CLSTN2: variants seen among roughly 807,000 people sequenced by gnomAD.
CLSTN2 encodes the protein calsyntenin 2.
CLSTN2 carries 48 observed loss-of-function variants against 101.2 expected under a neutral mutation model. That is an observed-to-expected ratio of 0.47 (90% confidence interval 0.38 to 0.60). The LOEUF is 0.60. Ranked by LOEUF, CLSTN2 falls within the 20% of genes least tolerant of loss-of-function variation. CLSTN2 has a pLI of 0.00. For missense variants in CLSTN2, 1,160 were observed against 1,238.2 expected (o/e 0.94, Z 0.95); for synonymous variants, 481 against 463.6 (o/e 1.04, Z -0.48).
At chr3:140,418,370 A>C (rs946447154) in intron 4 of CLSTN2, among the ~76,000 whole-genome samples, 3 of 152,158 alleles carry the variant, frequency 2.0e-5, no homozygotes, top group Non-Finnish European at 4.4e-5. Flanking sequence ...GAAACACATC[A>C]AACACGTTTT....
chr3:140,560,968 TAAGATA>T (rs1425347665), intron 12 of CLSTN2, among the ~76,000 whole-genome samples: 3 of 151,976 alleles, frequency 2.0e-5, no homozygotes, highest in Non-Finnish European at 4.4e-5. Context: ...ATTTAAAAAT[TAAGATA>T]AAGAAATTAT....
At chr3:140,490,870 A>G (rs1487236586) in intron 8 of CLSTN2, among the ~76,000 whole-genome samples, 1 of 152,162 alleles carries the variant, frequency 6.6e-6, no homozygotes. Flanking sequence ...AATGGCTGAT[A>G]AGAGCGGCCA....
chr3:139,963,107 G>C (rs369672625), intron 1 of CLSTN2, among the ~76,000 whole-genome samples: 1 of 152,066 alleles, frequency 6.6e-6, no homozygotes, highest in Admixed American at 6.6e-5. Flanking sequence ...GAGGAGGAGG[G>C]GGGCAGAGAC....
intron 5 of CLSTN2, among the ~76,000 whole-genome samples, chr3:140,428,920 T>C (rs1346595389): frequency 6.6e-6 from 1 of 152,092 alleles, no homozygotes; most frequent in East Asian, 1.9e-4. Flanking sequence ...CATCAGTCAG[T>C]AGGGGGGATC....
intron 2 of CLSTN2, among the ~76,000 whole-genome samples, chr3:140,402,448 G>A (rs2107977675): frequency 6.6e-6 from 1 of 152,280 alleles, no homozygotes; most frequent in South Asian, 2.1e-4. Flanking sequence ...TGCCTTGCAG[G>A]TTTTTTATGA....
chr3:139,982,563 G>A (rs181570742), intron 1 of CLSTN2, among the ~76,000 whole-genome samples: 4 of 152,162 alleles, frequency 2.6e-5, no homozygotes, highest in African/African-American at 9.7e-5. Flanking sequence ...ATAGATCTGA[G>A]AAAGCGATGT....
intron 1 of CLSTN2, among the ~76,000 whole-genome samples, chr3:140,021,416 G>T (rs1202944783): frequency 6.6e-6 from 1 of 152,152 alleles, no homozygotes; most frequent in African/African-American, 2.4e-5. Context: ...ATGGCGTGGC[G>T]TACCGGCAGC....
At chr3:139,994,779 T>C (rs1936173575) in intron 1 of CLSTN2, among the ~76,000 whole-genome samples, 1 of 152,206 alleles carries the variant, frequency 6.6e-6, no homozygotes, top group African/African-American at 2.4e-5. Context: ...ACAGCACTTA[T>C]TGAGAATATA....
chr3:140,094,371 A>G (rs2008832855), intron 1 of CLSTN2, among the ~76,000 whole-genome samples: 1 of 152,208 alleles, frequency 6.6e-6, no homozygotes, highest in Admixed American at 6.5e-5. Context: ...AGTCTCTTCA[A>G]ATTCTATAAA....
chr3:140,445,858 C>A (rs1328982815), intron 5 of CLSTN2, among the ~76,000 whole-genome samples: 1 of 152,152 alleles, frequency 6.6e-6, no homozygotes, highest in Non-Finnish European at 1.5e-5. Flanking sequence ...CTGTGCCAGG[C>A]ACTGACTAGC....
chr3:140,050,788 GGCAAGATGGGAAAATA>G (rs1287712656), intron 1 of CLSTN2, among the ~76,000 whole-genome samples: 1 of 152,110 alleles, frequency 6.6e-6, no homozygotes, highest in South Asian at 2.1e-4. Flanking sequence ...GGATATGAAG[GGCAAGATGGGAAAATA>G]GCAAGTTCAC....
At chr3:140,497,097 T>G in intron 8 of CLSTN2, among the ~76,000 whole-genome samples, 1 of 118,334 alleles carries the variant, frequency 8.5e-6, no homozygotes, top group African/African-American at 3.7e-5. Flanking sequence ...CGAGACTCCG[T>G]CTCAAAAAAA....
chr3:140,023,882 G>A (rs939385819), intron 1 of CLSTN2, among the ~76,000 whole-genome samples: 7 of 152,326 alleles, frequency 4.6e-5, no homozygotes, highest in South Asian at 4.1e-4. Flanking sequence ...TGTGTCCTCC[G>A]TCTGGCACCA....
chr3:140,084,622 G>A (rs1166753691), intron 1 of CLSTN2, among the ~76,000 whole-genome samples: 2 of 152,148 alleles, frequency 1.3e-5, no homozygotes, highest in Non-Finnish European at 2.9e-5. Context: ...CCAGGTTCAA[G>A]GAAACTACCT....
intron 9 of CLSTN2, among the ~76,000 whole-genome samples, chr3:140,536,237 A>G (rs1224504549): frequency 1.3e-5 from 2 of 151,966 alleles, no homozygotes; most frequent in Non-Finnish European, 2.9e-5. Context: ...AAATAAGAGT[A>G]AGACCCACCT....
intron 1 of CLSTN2, among the ~76,000 whole-genome samples, chr3:140,160,711 CAA>C (rs2010032117): frequency 1.3e-5 from 2 of 152,012 alleles, no homozygotes; most frequent in Admixed American, 1.3e-4. Context: ...CTTGGTCAAC[CAA>C]AAGTTGTTCA....
intron 8 of CLSTN2, among the ~76,000 whole-genome samples, chr3:140,474,547 A>G (rs1439548581): frequency 6.6e-6 from 1 of 152,162 alleles, no homozygotes; most frequent in African/African-American, 2.4e-5. Context: ...CTTTTGTCTG[A>G]GTCCTCTGTG....
chr3:140,515,923 C>A (rs1428208137), intron 8 of CLSTN2, among the ~76,000 whole-genome samples: 2 of 152,090 alleles, frequency 1.3e-5, no homozygotes, highest in Non-Finnish European at 2.9e-5. Context: ...ATGTCTACTG[C>A]TGTCAGTAGA....
intron 1 of CLSTN2, among the ~76,000 whole-genome samples, chr3:140,075,198 C>T (rs139111139): frequency 1.3e-5 from 2 of 152,118 alleles, no homozygotes; most frequent in East Asian, 3.8e-4. Flanking sequence ...TTAGTAGCAG[C>T]TTTAATATTT....
Sources: gnomAD v4.1 joint callset for allele counts (sites outside exome capture counted in the v4.1 genomes callset) on GRCh38, gnomAD v4.1.1 for gene constraint, MANE v1.5 for transcripts, NCBI Gene and HGNC (gene_info 2026-07-23, HGNC 2026-07-21) for gene names.